HHIPL2: variants seen among roughly 807,000 people sequenced by gnomAD.
HHIPL2 encodes the protein HHIP like 2.
Under a neutral mutation model 61.0 loss-of-function variants are expected in HHIPL2, and 61 were observed. The ratio of observed to expected loss-of-function variants is 1.00; its 90% confidence interval spans 0.81 to 1.24. HHIPL2 has a LOEUF of 1.24. HHIPL2 is among the 50% of genes most tolerant of loss of function. The pLI is 0.00. For missense variants in HHIPL2, 885 were observed against 910.2 expected (o/e 0.97, Z 0.36); for synonymous variants, 343 against 357.4 (o/e 0.96, Z 0.45).
chr1:222,543,474 C>T, intron 2 of HHIPL2, 63 bp downstream of exon 2: 1 of 1,459,440 alleles, frequency 6.9e-7, no homozygotes, highest in Non-Finnish European at 9.3e-7. Context: ...TATTATCTCG[C>T]AGACCTGGTT....
chr1:222,532,248 G>T, intron 5 of HHIPL2, 137 bp from the exon 6 acceptor site: 1 of 680,146 alleles, frequency 1.5e-6, no homozygotes, highest in Non-Finnish European at 2.3e-6. Context: ...CTGCCTCCAA[G>T]CAACCAAAAA....
intron 6 of HHIPL2, among the ~76,000 whole-genome samples, chr1:222,531,733 CA>C (rs1318766537): frequency 6.7e-6 from 1 of 149,950 alleles, no homozygotes; most frequent in East Asian, 2.0e-4. Flanking sequence ...GACTCTGTCT[CA>C]AAAAAAAGAA....
chr1:222,523,954 G>A (rs1659008902), intron 7 of HHIPL2: 2 of 470,094 alleles, frequency 4.3e-6, no homozygotes, highest in Non-Finnish European at 3.8e-6. Context: ...GTCAAAACGG[G>A]TTCACATCCT....
At chr1:222,531,883 T>C in intron 6 of HHIPL2, 83 bp downstream of exon 6, 1 of 1,242,628 alleles carries the variant, frequency 8.0e-7, no homozygotes, top group Non-Finnish European at 1.1e-6. Context: ...TGATAATTAC[T>C]ATTTAAAATA....
At chr1:222,537,517 G>A (rs960904543) in intron 5 of HHIPL2, among the ~76,000 whole-genome samples, 43 of 151,486 alleles carry the variant, frequency 2.8e-4, no homozygotes, top group African/African-American at 9.9e-4. Flanking sequence ...TGTAGTCCCA[G>A]CTACTCAGGA....
chr1:222,546,056 A>AAAT (rs933380017), intron 1 of HHIPL2, among the ~76,000 whole-genome samples: 8 of 151,478 alleles, frequency 5.3e-5, no homozygotes, highest in African/African-American at 9.7e-5. Flanking sequence ...AAAAATAAAT[A>AAAT]AATAAATAAA....
At chr1:222,547,688 C>G (rs767052312) in intron 1 of HHIPL2, 36 bp downstream of exon 1, 3 of 1,579,720 alleles carry the variant, frequency 1.9e-6, no homozygotes, top group Non-Finnish European at 2.6e-6. Context: ...CAGCCCAGCA[C>G]CCAAACCCCT....
intron 6 of HHIPL2, among the ~76,000 whole-genome samples, chr1:222,530,076 GGGTAAA>G (rs1255928943): frequency 5.9e-5 from 9 of 152,152 alleles, no homozygotes; most frequent in Non-Finnish European, 1.3e-4. Context: ...GGCCGCCCTT[GGGTAAA>G]GGCTTGGGAA....
rs766082140 is a variant in HHIPL2 at position 222,522,684 on chromosome 1, TG to T, written c.2091del (p.Lys698ArgfsTer6). Reference sequence around the variant, plus strand: ...TGGCTTTTCAGGCTCTTCCTCCTCTTGCCCTGGCGGACGTGGGGCCCCACTC... The same window carrying T: ...TGGCTTTTCAGGCTCTTCCTCCTCTTCCCTGGCGGACGTGGGGCCCCACTC... ...KARVGPHVRQGKRRKSLKSHS... is the reference protein window; with the variant it reads ...KARVGPHVRQXKRRKSLKSHS... On this transcript the variant is annotated frameshift_variant, in exon 9 of 9. Transcript: ENST00000343410. LOFTEE classifies it low-confidence loss of function (END_TRUNC). 22 of 1,614,110 alleles carry T rather than the reference TG, an allele frequency of 1.4e-5. No homozygotes were observed. In the African/African-American group the frequency reaches 1.6e-4, roughly 12 times the overall value.
In HHIPL2 at chr1:222,531,852, C is replaced by T. The variant is rs115760980; in HGVS notation, c.1723+114G>A. 3.4e-3 allele frequency: 3,193 copies of T among 934,882 alleles called. 70 individuals carry two copies. The African/African-American group carries it at 0.041, about 12-fold the overall frequency. 57.9% of individuals were successfully genotyped at this position (934,882 alleles called of 1,614,324 possible). ...CAGTACATTATAAAAGATGACTAAA[C>T]GATAGTGATCATAGTAGAAGTGATA... On this transcript the variant is annotated intron_variant, in intron 6 of 8. Transcript: ENST00000343410.
At chr1:222,524,572 A>G (rs1659021431) in intron 7 of HHIPL2, among the ~76,000 whole-genome samples, 1 of 152,256 alleles carries the variant, frequency 6.6e-6, no homozygotes, top group Non-Finnish European at 1.5e-5. Context: ...CAGGCTAAGA[A>G]ACAGGCCCAA....
chr1:222,533,364 C>CAAAA (rs11432197), intron 5 of HHIPL2, among the ~76,000 whole-genome samples: 1 of 127,902 alleles, frequency 7.8e-6, no homozygotes. Flanking sequence ...GACTCTGTCT[C>CAAAA]AAAAAAAAAA....
chr1:222,531,598 G>A lies in HHIPL2; in HGVS notation c.1723+368C>T, dbSNP rs1431950585. 3.3e-5 allele frequency among the ~76,000 whole-genome samples: 5 copies of A among 151,996 alleles called. No individual in the cohort carries two copies. The East Asian group carries it at 9.7e-4, about 29-fold the overall frequency. On this transcript the variant is annotated intron_variant, in intron 6 of 8. Coordinates refer to ENST00000343410, the MANE Select transcript of HHIPL2 (RefSeq NM_024746.4). ...CCCCGTCTCTACTAAAAATACAAACGTTAGCTGGGCATGGTGGCGGGCGCC... is the reference window on the plus strand; with the variant it reads ...CCCCGTCTCTACTAAAAATACAAACATTAGCTGGGCATGGTGGCGGGCGCC...
At position 222,528,070 on chromosome 1, in the gene HHIPL2, CT is replaced by C. The variant is rs560847773; in HGVS notation, c.1724-1021del. The stretch of plus-strand genomic sequence containing the variant: ...CCCAGTTGTAACTCAGGGAAATGTT[CT>C]TTTGTCACAGTAACTACCTCATTCC... On this transcript the variant is annotated intron_variant, in intron 6 of 8. Transcript: ENST00000343410. Among the ~76,000 whole-genome samples the C allele has an allele frequency of 2.6e-5, 4 of 152,272 alleles. No individual in the cohort carries two copies. The South Asian group carries it at 8.3e-4, about 32-fold the overall frequency.
In HHIPL2 at chr1:222,547,400, AATT is replaced by A. The variant is rs1342764800; in HGVS notation, c.321+321_321+323del. Among the ~76,000 whole-genome samples, 3 of 152,282 alleles carry A rather than the reference AATT, an allele frequency of 2.0e-5. No individual in the cohort carries two copies. In the East Asian group the frequency reaches 5.8e-4, roughly 29 times the overall value. On this transcript the variant is annotated intron_variant, in intron 1 of 8. Coordinates refer to ENST00000343410, the MANE Select transcript of HHIPL2 (RefSeq NM_024746.4). ...TCTGAGCACCGCAGAGGATGCAAATAATTATTTGCCATGCACCACAGAGGGAGT... is the reference window on the plus strand; with the variant it reads ...TCTGAGCACCGCAGAGGATGCAAATAATTTGCCATGCACCACAGAGGGAGT...
chr1:222,538,835 G>T (rs1048313408), intron 4 of HHIPL2, 61 bp from the exon 5 acceptor site: 4 of 1,580,946 alleles, frequency 2.5e-6, no homozygotes, highest in Non-Finnish European at 2.6e-6. Context: ...CTTCAAGGAG[G>T]AAGAAGGGGA....
chr1:222,527,321 G>T (rs766633003), intron 6 of HHIPL2, among the ~76,000 whole-genome samples: 11 of 152,126 alleles, frequency 7.2e-5, no homozygotes, highest in Non-Finnish European at 1.2e-4. Flanking sequence ...AACCAAACAG[G>T]TTTCCCCCTT....
rs989412227 is a variant in HHIPL2, at chr1:222,523,014, G to A, written c.1889-127C>T. On this transcript the variant is annotated intron_variant, in intron 8 of 8. Transcript: ENST00000343410. ...ATTAATACTTTTAATTCTCTAACTGGCCTTGGTCTAAATATATGACTTTTT... is the reference window on the plus strand; with the variant it reads ...ATTAATACTTTTAATTCTCTAACTGACCTTGGTCTAAATATATGACTTTTT... 3.8e-6 allele frequency: 3 copies of A among 783,710 alleles called. 1 individual carries two copies. Among genetic ancestry groups the A allele is most frequent in the South Asian group, 4.8e-5 (2 of 41,634 alleles). 48.5% of individuals were successfully genotyped at this position (783,710 alleles called of 1,614,324 possible). A position where few individuals can be genotyped will look rare whatever the true frequency, so the allele number is the denominator to read the frequency against.
Position 222,522,759 on chromosome 1 carries a change from TA to T in HHIPL2, c.2016del (p.Thr673GlnfsTer31). 1 of 1,614,128 alleles carries T rather than the reference TA, an allele frequency of 6.2e-7. No homozygotes were observed. Among genetic ancestry groups the T allele is most frequent in the East Asian group, 2.2e-5 (1 of 44,864 alleles). The stretch of plus-strand genomic sequence containing the variant: ...CCTCGCAATGTATTCTTGCTGCTTG[TA>T]GGAGAAGCCAGCTTCTTGGAGGAGC... ...EKGSSKKLAS[P>X]TSSKNTLRGP... On this transcript the variant is annotated frameshift_variant, in exon 9 of 9. Transcript: ENST00000343410. LOFTEE classifies it low-confidence loss of function (END_TRUNC).
Sources: allele counts gnomAD v4.1 joint callset (sites outside exome capture counted in the v4.1 genomes callset), GRCh38; gene constraint gnomAD v4.1.1; transcripts MANE v1.5; gene names NCBI Gene and HGNC (gene_info 2026-07-23, HGNC 2026-07-21).